LRP1B: variants seen among roughly 807,000 people sequenced by gnomAD.
The protein encoded by LRP1B is LDL receptor related protein 1B, also known as low-density lipoprotein receptor-related protein 1B.
In LRP1B, 217 loss-of-function variants were observed where a neutral mutation model predicts 556.6. The observed-to-expected ratio is 0.39, with a 90% CI of 0.35 to 0.44. The LOEUF is 0.44. Ranked by LOEUF, LRP1B falls within the 20% of genes least tolerant of loss-of-function variation. The pLI is 1.00. For missense variants in LRP1B, 5,053 were observed against 5,620.8 expected (o/e 0.90, Z 3.23); for synonymous variants, 2,047 against 1,865.8 (o/e 1.10, Z -2.50).
At chr2:141,277,763 AAAG>A (rs1488293484) in intron 3 of LRP1B, among the ~76,000 whole-genome samples, 1 of 151,862 alleles carries the variant, frequency 6.6e-6, no homozygotes, top group Non-Finnish European at 1.5e-5. Flanking sequence ...TCTCACCCAA[AAAG>A]AAGATCACAC....
rs1370500448 is a variant in LRP1B, at chr2:141,319,307, G to GTTTTTT, written c.344-64667_344-64666insAAAAAA. ...AGTCTCTAAAAAGCAGTGTTTTTTT[G>GTTTTTT]TTGTTTTTTTTTTTTTTCCTACTCT... On this transcript the variant is annotated intron_variant, in intron 3 of 90. Transcript: ENST00000389484. Among the ~76,000 whole-genome samples, 2 of 88,786 alleles carry GTTTTTT rather than the reference G, an allele frequency of 2.3e-5. 1 individual carries two copies. The allele number at this position is 88,786 out of a possible 152,430, so 58.2% of individuals were successfully genotyped here.
At chr2:140,370,224 G>A (rs534304106) in intron 71 of LRP1B, among the ~76,000 whole-genome samples, 6 of 151,956 alleles carry the variant, frequency 3.9e-5, no homozygotes, top group South Asian at 2.1e-4. Context: ...TCAGTGATAC[G>A]GCAATAAGGA....
At chr2:140,318,096 A>G (rs1684607765) in intron 82 of LRP1B, among the ~76,000 whole-genome samples, 1 of 152,156 alleles carries the variant, frequency 6.6e-6, no homozygotes, top group Admixed American at 6.6e-5. Context: ...GGTGCTCATC[A>G]GTTAACAATA....
At chr2:140,923,763 A>C (rs1694809776) in intron 20 of LRP1B, among the ~76,000 whole-genome samples, 1 of 152,042 alleles carries the variant, frequency 6.6e-6, no homozygotes, top group African/African-American at 2.4e-5. Context: ...GAAATACTAG[A>C]CATTCAAATT....
Position 141,187,311 on chromosome 2 carries a change from C to T in LRP1B, c.1013+1110G>A, listed in dbSNP as rs114329632. On this transcript the variant is annotated intron_variant, in intron 7 of 90. Coordinates refer to ENST00000389484, the MANE Select transcript of LRP1B (RefSeq NM_018557.3). Reference sequence around the variant, plus strand: ...CAAAATCAGAACCATTGTGATGATGCGTCTTAATATTCAATCAGACTTTAA... The same window carrying T: ...CAAAATCAGAACCATTGTGATGATGTGTCTTAATATTCAATCAGACTTTAA... Among the ~76,000 whole-genome samples the T allele has an allele frequency of 1.9e-3, 283 of 152,140 alleles. 2 individuals are homozygous for T. Among genetic ancestry groups the T allele is most frequent in the African/African-American group, 5.8e-3 (240 of 41,534 alleles).
At chr2:140,326,567 TAGC>T (rs1351267092) in intron 79 of LRP1B, among the ~76,000 whole-genome samples, 3 of 152,028 alleles carry the variant, frequency 2.0e-5, no homozygotes, top group African/African-American at 7.2e-5. Flanking sequence ...ATACAAAAAT[TAGC>T]AGGGAGTGGT....
intron 7 of LRP1B, among the ~76,000 whole-genome samples, chr2:141,092,029 A>G (rs1700183259): frequency 6.6e-6 from 1 of 152,240 alleles, no homozygotes; most frequent in African/African-American, 2.4e-5. Flanking sequence ...TAATATGAGA[A>G]GTATTTGGAA....
chr2:142,124,452 T>A (rs1225163978), intron 1 of LRP1B, among the ~76,000 whole-genome samples: 2 of 151,906 alleles, frequency 1.3e-5, no homozygotes. Context: ...AATCCTGTTG[T>A]CCAATTTATG....
intron 41 of LRP1B, among the ~76,000 whole-genome samples, chr2:140,634,583 A>C (rs1381811836): frequency 6.6e-6 from 1 of 152,102 alleles, no homozygotes; most frequent in Non-Finnish European, 1.5e-5. Context: ...CCTGTCAAAC[A>C]CTACCTCAGC....
intron 7 of LRP1B, among the ~76,000 whole-genome samples, chr2:141,185,687 C>CAAAAAAAAAAAAAAAAAAAAA: frequency 7.6e-6 from 1 of 132,132 alleles, no homozygotes; most frequent in South Asian, 2.3e-4. Context: ...AACAAACAAA[C>CAAAAAAAAAAAAAAAAAAAAA]AAAAAAAAAC....
intron 5 of LRP1B, among the ~76,000 whole-genome samples, chr2:141,235,897 A>T (rs970751377): frequency 1.3e-5 from 2 of 152,148 alleles, no homozygotes; most frequent in Admixed American, 1.3e-4. Context: ...CTGACAAAAC[A>T]GGTTAAGGAC....
Position 140,787,558 on chromosome 2 carries a change from A to ATTTTT in LRP1B, c.5360-11325_5360-11321dup, listed in dbSNP as rs756825067. On this transcript the variant is annotated intron_variant, in intron 32 of 90. Coordinates refer to ENST00000389484, the MANE Select transcript of LRP1B (RefSeq NM_018557.3). ...CCTATCTTCCTGTTTAAAACAGAAG[A>ATTTTT]TTTTTTTTTTTTTTTTTTTTTTTTT... Among the ~76,000 whole-genome samples the ATTTTT allele has an allele frequency of 7.9e-3, 355 of 44,658 alleles. 45 individuals carry two copies. Among genetic ancestry groups the ATTTTT allele is most frequent in the African/African-American group, 0.024 (217 of 9,130 alleles). The allele number at this position is 44,658 out of a possible 152,430, so 29.3% of individuals were successfully genotyped here.
chr2:142,089,275 C>T (rs573786430), intron 1 of LRP1B, among the ~76,000 whole-genome samples: 49 of 152,104 alleles, frequency 3.2e-4, no homozygotes, highest in African/African-American at 1.2e-3. Flanking sequence ...GTAGAACATA[C>T]AGAAAATTAT....
At chr2:141,694,532 AT>A (rs1691663355) in intron 2 of LRP1B, among the ~76,000 whole-genome samples, 1 of 150,456 alleles carries the variant, frequency 6.6e-6, no homozygotes, top group South Asian at 2.1e-4. Flanking sequence ...CTAGTTAGTG[AT>A]TGATTCAGTA....
intron 1 of LRP1B, among the ~76,000 whole-genome samples, chr2:141,845,369 A>T (rs1385383345): frequency 6.6e-6 from 1 of 152,008 alleles, no homozygotes; most frequent in African/African-American, 2.4e-5. Context: ...TAGAAAAAAA[A>T]TGCTGGTTTT....
At chr2:141,551,852 G>A (rs1685761301) in intron 2 of LRP1B, among the ~76,000 whole-genome samples, 1 of 151,922 alleles carries the variant, frequency 6.6e-6, no homozygotes, top group South Asian at 2.1e-4. Context: ...ATTTTCCACA[G>A]CCAATTTGGT....
chr2:141,718,253 C>G (rs1574279265), intron 2 of LRP1B, among the ~76,000 whole-genome samples: 1 of 152,154 alleles, frequency 6.6e-6, no homozygotes, highest in East Asian at 1.9e-4. Context: ...CCCTCGACCT[C>G]AGACTGATTG....
Position 140,350,920 on chromosome 2 carries a change from T to G in LRP1B, c.11769A>C (p.Ile3923=). 2 of 1,611,530 alleles carry G rather than the reference T, an allele frequency of 1.2e-6. No homozygotes were observed. Among genetic ancestry groups the G allele is most frequent in the Non-Finnish European group, 1.7e-6 (2 of 1,178,206 alleles). The part of the protein sequence containing the change: ...QISHIEHNSR[I]TGMDVYYQRD... ...TTTGATAATATACATCCATCCCTGT[T>G]ATTCTTGAATTATGTTCAATATGAG... Residue 3923 remains isoleucine, a synonymous_variant, in exon 77 of 91, where the codon ATA becomes ATC. Transcript: ENST00000389484.
chr2:140,742,697 C>T (rs1229171463), intron 35 of LRP1B, among the ~76,000 whole-genome samples: 2 of 151,968 alleles, frequency 1.3e-5, no homozygotes, highest in African/African-American at 2.4e-5. Context: ...CTCAGCCTCC[C>T]AAATTGCTGT....
Sources: gnomAD v4.1 joint callset for allele counts (sites outside exome capture counted in the v4.1 genomes callset) on GRCh38, gnomAD v4.1.1 for gene constraint, MANE v1.5 for transcripts, NCBI Gene and HGNC (gene_info 2026-07-23, HGNC 2026-07-21) for gene names.